The following S100A10 variants were observed in gnomAD, a reference collection of about 807,000 sequenced individuals.
The protein encoded by S100A10 is S100 calcium binding protein A10, also known as protein S100-A10.
Under a neutral mutation model 7.1 loss-of-function variants are expected in S100A10, and 3 were observed. The ratio of observed to expected loss-of-function variants is 0.42; its 90% CI spans 0.19 to 1.10. The LOEUF (loss-of-function observed/expected upper bound fraction) is 1.10, where lower values mean the gene tolerates loss of function less well. Among genes scored for constraint, S100A10 ranks in the 50% least tolerant of loss-of-function variants. S100A10 has a pLI of 0.29. For synonymous variants in S100A10, 41 were observed against 39.3 expected (o/e 1.04, Z -0.16); for missense variants, 101 against 118.1 (o/e 0.86, Z 0.67).
At chr1:151,992,415 A>C (rs1455525614) in intron 1 of S100A10, 1 of 152,174 alleles carries the variant, frequency 6.6e-6, no homozygotes, top group Non-Finnish European at 1.5e-5. Context: ...CTGGCCGATA[A>C]CGAAAAGCGG....
chr1:151,984,544 A>C (rs886190816), intron 2 of S100A10, among the ~76,000 whole-genome samples: 4 of 152,312 alleles, frequency 2.6e-5, no homozygotes, highest in Middle Eastern at 3.4e-3. Context: ...TGTGCCTGGA[A>C]TAAATTACCC....
chr1:151,992,641 T>A (rs1159938848), intron 1 of S100A10: 1 of 151,174 alleles, frequency 6.6e-6, no homozygotes, highest in Non-Finnish European at 1.5e-5. Context: ...GTCTCACAGC[T>A]GAGTCACAGG....
chr1:151,986,256 T>A lies in S100A10; in HGVS notation c.-21-5A>T, dbSNP rs760307123. On this transcript the variant is annotated splice_polypyrimidine_tract_variant and splice_region_variant and intron_variant, in intron 1 of 2. Coordinates refer to ENST00000368811, the MANE Select transcript of S100A10 (RefSeq NM_002966.3). ...TTTGGTGTGGTCCGTTGAAGCCTAT[T>A]AAAGGATGTAAAGTAACAGGGTCTA... 1 of 1,567,640 alleles carries A rather than the reference T, an allele frequency of 6.4e-7. No homozygotes were observed. The highest frequency in any genetic ancestry group is 8.6e-7 in the Non-Finnish European group (1 of 1,160,718).
At chr1:151,984,596 T>C (rs1655753541) in intron 2 of S100A10, among the ~76,000 whole-genome samples, 1 of 152,212 alleles carries the variant, frequency 6.6e-6, no homozygotes, top group Non-Finnish European at 1.5e-5. Flanking sequence ...CCTTTATGTG[T>C]CTGATGCCAC....
rs1428651483 is a variant in S100A10, at chr1:151,983,230, A to G, written c.227T>C (p.Ile76Thr). 20 of 1,607,006 alleles carry G rather than the reference A, an allele frequency of 1.2e-5. No individual in the cohort carries two copies. Among genetic ancestry groups the G allele is most frequent in the Non-Finnish European group, 1.7e-5 (20 of 1,177,386 alleles). Residue 76 changes from isoleucine (I) to threonine (T), a missense_variant, in exon 3 of 3, where the codon ATT becomes ACT. Ile to Thr is a moderately conservative substitution (Grantham distance 89). Coordinates refer to ENST00000368811, the MANE Select transcript of S100A10 (RefSeq NM_002966.3). ...KVGFQSFFSL[I>T]AGLTIACNDY... ...ATTGCATGCAATGGTGAGGCCCGCA[A>G]TTAGGGAAAAGAAGCTCTGGAAGCC... is the stretch of plus-strand genomic sequence containing the variant.
chr1:151,986,316 T>C (rs908131852), intron 1 of S100A10, 65 bp from the exon 2 acceptor site: 42 of 1,123,992 alleles, frequency 3.7e-5, no homozygotes, highest in African/African-American at 8.0e-5. Context: ...ATGCATGAAT[T>C]TATTTTTTTT....
At position 151,993,141 on chromosome 1, in the gene S100A10, A is replaced by T. The variant is rs1209625749; in HGVS notation, c.-22+611T>A. Among the ~76,000 whole-genome samples, 2 of 152,328 alleles carry T rather than the reference A, an allele frequency of 1.3e-5. No homozygotes were observed. Among genetic ancestry groups the T allele is most frequent in the African/African-American group, 4.8e-5 (2 of 41,576 alleles). ...ACCCCAGCCAAACTGCTGTAGAAAGAAAACAAGTGGACCTCCCTCCCTCAG... is the reference window on the plus strand; with the variant it reads ...ACCCCAGCCAAACTGCTGTAGAAAGTAAACAAGTGGACCTCCCTCCCTCAG... On this transcript the variant is annotated intron_variant, in intron 1 of 2. Transcript: ENST00000368811. This position sits in a 1 kb window ranked among gnomAD's most constrained non-coding sequence, Gnocchi z 5.1.
In S100A10 at chr1:151,992,729, G is replaced by T. The variant is rs75497528; in HGVS notation, c.-22+1023C>A. On this transcript the variant is annotated intron_variant, in intron 1 of 2. Transcript: ENST00000368811. ...GAAGCTCCCGCAGAGACGGAACTGG[G>T]TGGGGGCAGAAAACGGGGTGGGCTT... is the stretch of plus-strand genomic sequence containing the variant. Among the ~76,000 whole-genome samples the T allele has an allele frequency of 2.9e-3, 438 of 152,310 alleles. 2 individuals carry two copies. Among genetic ancestry groups the T allele is most frequent in the Admixed American group, 5.4e-3 (82 of 15,302 alleles).
intron 1 of S100A10, among the ~76,000 whole-genome samples, chr1:151,988,169 C>T (rs753056170): frequency 1.3e-4 from 20 of 152,110 alleles, no homozygotes; most frequent in African/African-American, 4.6e-4. Context: ...AGACCCAGTA[C>T]GTGGTACTTA....
At position 151,993,451 on chromosome 1, in the gene S100A10, T is replaced by TA. The variant is rs1263908216; in HGVS notation, c.-22+300dup. On this transcript the variant is annotated intron_variant, in intron 1 of 2. Transcript: ENST00000368811. The surrounding 1 kb of genome is among the most constrained non-coding windows in gnomAD (Gnocchi z 5.1). The stretch of plus-strand genomic sequence containing the variant: ...AGGTGGGAGTAAAGCAACGCAAACA[T>TA]AAAGGGAGGAGGGAAGAGGTTCAGG... Among the ~76,000 whole-genome samples the TA allele has an allele frequency of 6.6e-6, 1 of 151,526 alleles. No individual in the cohort carries two copies. The highest frequency in any genetic ancestry group is 1.5e-5 in the Non-Finnish European group (1 of 67,892).
In S100A10 at chr1:151,986,113, G is replaced by A. The variant is rs1335407355; in HGVS notation, c.118C>T (p.Pro40Ser). ...DLRVLMEKEF[P>S]GFLENQKDPL... ...TCAACACTTACTTCCAAAAATCCAG[G>A]GAACTCCTTTTCCATGAGTACTCTC... is the stretch of plus-strand genomic sequence containing the variant. Residue 40 changes from proline to serine, a missense_variant, in exon 2 of 3, where the codon CCT (proline) becomes TCT (serine). Pro to Ser is a moderately conservative substitution (Grantham distance 74). Coordinates refer to ENST00000368811, the MANE Select transcript of S100A10 (RefSeq NM_002966.3). 4 of 1,593,492 alleles carry A rather than the reference G, an allele frequency of 2.5e-6. No homozygotes were observed. Among genetic ancestry groups the A allele is most frequent in the African/African-American group, 2.7e-5 (2 of 73,236 alleles).
chr1:151,992,104 A>T (rs892689560), intron 1 of S100A10, among the ~76,000 whole-genome samples: 1 of 152,212 alleles, frequency 6.6e-6, no homozygotes, highest in Non-Finnish European at 1.5e-5. Context: ...ATGATTAAAG[A>T]GAAACTGGAT....
In S100A10 at chr1:151,993,559, C is replaced by T. The variant is rs1655954445; in HGVS notation, c.-22+193G>A. Among the ~76,000 whole-genome samples the T allele has an allele frequency of 6.6e-6, 1 of 152,202 alleles. No homozygotes were observed. Among genetic ancestry groups the T allele is most frequent in the Non-Finnish European group, 1.5e-5 (1 of 68,016 alleles). ...GGGTCTGGGGGCGGCCGCGCCCGGG[C>T]CGGGGAGGGGCGCTGCTGGCCTCGT... On this transcript the variant is annotated intron_variant, in intron 1 of 2. Coordinates refer to ENST00000368811, the MANE Select transcript of S100A10 (RefSeq NM_002966.3). This position sits in a 1 kb window ranked among gnomAD's most constrained non-coding sequence, Gnocchi z 5.1.
At chr1:151,988,967 T>C (rs944803717) in intron 1 of S100A10, among the ~76,000 whole-genome samples, 5 of 152,136 alleles carry the variant, frequency 3.3e-5, no homozygotes, top group Non-Finnish European at 5.9e-5. Context: ...AGCAGAGCAC[T>C]TCAGGATCAA....
intron 1 of S100A10, among the ~76,000 whole-genome samples, chr1:151,986,598 A>T (rs1655796105): frequency 6.6e-6 from 1 of 152,210 alleles, no homozygotes; most frequent in Non-Finnish European, 1.5e-5. Context: ...GCTCCTCAAC[A>T]TCACTCAAAT....
rs546178195 is a variant in S100A10, at chr1:151,991,730, G to A, written c.-22+2022C>T. Among the ~76,000 whole-genome samples, 75 of 152,160 alleles carry A rather than the reference G, an allele frequency of 4.9e-4. 1 individual carries two copies. Among genetic ancestry groups the A allele is most frequent in the African/African-American group, 1.7e-3 (72 of 41,500 alleles). Reference sequence around the variant, plus strand: ...ATTCCATTGTTTCTCTCAACTTTACGCTTTAAAAGACTGGACTGTGTCCAA... The same window carrying A: ...ATTCCATTGTTTCTCTCAACTTTACACTTTAAAAGACTGGACTGTGTCCAA... On this transcript the variant is annotated intron_variant, in intron 1 of 2. Coordinates refer to ENST00000368811, the MANE Select transcript of S100A10 (RefSeq NM_002966.3).
chr1:151,986,092 CACTT>C lies in S100A10; in HGVS notation c.132+3_132+6del. On this transcript the variant is annotated splice_donor_5th_base_variant and intron_variant, in intron 2 of 2. Coordinates refer to ENST00000368811, the MANE Select transcript of S100A10 (RefSeq NM_002966.3). ...GTCTGGTTCTTTGTAAGCTTTTCAACACTTACTTCCAAAAATCCAGGGAACTCCT... is the reference window on the plus strand; with the variant it reads ...GTCTGGTTCTTTGTAAGCTTTTCAACACTTCCAAAAATCCAGGGAACTCCT... 6.3e-7 allele frequency: 1 copy of C among 1,584,776 alleles called. No homozygotes were observed. The highest frequency in any genetic ancestry group is 1.4e-5 in the African/African-American group (1 of 72,810).
chr1:151,988,187 C>T (rs1655837045), intron 1 of S100A10, among the ~76,000 whole-genome samples: 3 of 152,184 alleles, frequency 2.0e-5, no homozygotes, highest in Admixed American at 2.0e-4. Context: ...TTAATAGAAC[C>T]TCAGTGAATT....
chr1:151,992,035 G>A (rs1655916002), intron 1 of S100A10, among the ~76,000 whole-genome samples: 1 of 152,162 alleles, frequency 6.6e-6, no homozygotes, highest in Non-Finnish European at 1.5e-5. Context: ...GTGGATCAAG[G>A]GCCACAGTGA....
Sources: gnomAD v4.1 joint callset for allele counts (sites outside exome capture counted in the v4.1 genomes callset) on GRCh38, gnomAD v4.1.1 for gene constraint, Gnocchi (gnomAD v3.1) non-coding constraint, MANE v1.5 for transcripts, NCBI Gene and HGNC (gene_info 2026-07-23, HGNC 2026-07-21) for gene names.